The following GLIS1 variants were observed in gnomAD, a reference collection of about 807,000 sequenced individuals.
GLIS1 encodes zinc finger protein GLIS1.
GLIS1 carries 24 observed loss-of-function variants against 63.8 expected under a neutral mutation model. The ratio of observed to expected loss-of-function variants is 0.38; its 90% CI spans 0.27 to 0.53. The LOEUF is 0.53. GLIS1 is among the 20% of genes least tolerant of loss of function. The probability of loss-of-function intolerance (pLI) is 0.85; values close to 1 mark genes in which losing one functional copy is unlikely to be tolerated. For synonymous variants in GLIS1, 450 were observed against 482.5 expected (o/e 0.93, Z 0.88); for missense variants, 1,036 against 1,074.1 (o/e 0.96, Z 0.50).
At chr1:53,692,882 G>A (rs1013249559) in intron 2 of GLIS1, among the ~76,000 whole-genome samples, 5 of 152,202 alleles carry the variant, frequency 3.3e-5, no homozygotes, top group Non-Finnish European at 5.9e-5. Context: ...CAAAGTCTTT[G>A]AGAAACCCAC....
At chr1:53,700,179 C>T (rs1024587785) in intron 2 of GLIS1, among the ~76,000 whole-genome samples, 24 of 152,284 alleles carry the variant, frequency 1.6e-4, no homozygotes, top group African/African-American at 5.1e-4. Context: ...GCAAGGCCCT[C>T]GGCCTGGAGG....
At chr1:53,725,387 A>G (rs1646795318) in intron 2 of GLIS1, among the ~76,000 whole-genome samples, 1 of 152,116 alleles carries the variant, frequency 6.6e-6, no homozygotes, top group Admixed American at 6.5e-5. Context: ...ACTGATTCTC[A>G]TGCTACCCTG....
In GLIS1 at chr1:53,520,681, G is replaced by A; in HGVS notation, c.1679C>T (p.Ala560Val). Residue 560 changes from alanine (A) to valine (V), a missense_variant, in exon 7 of 11, where the codon GCC becomes GTC. Coordinates refer to ENST00000628545, the MANE Select transcript of GLIS1 (RefSeq NM_001367484.1). ...QQLHTSTQLA[A>V]SDGKGGCGLG... Reference sequence around the variant, plus strand: ...GCCACAGCCACCCTTGCCGTCGCTGGCAGCCAGCTGTGTGGACGTGTGGAG... The same window carrying A: ...GCCACAGCCACCCTTGCCGTCGCTGACAGCCAGCTGTGTGGACGTGTGGAG... 6.2e-7 allele frequency: 1 copy of A among 1,609,848 alleles called. No individual in the cohort carries two copies. The highest frequency in any genetic ancestry group is 8.5e-7 in the Non-Finnish European group (1 of 1,178,650).
intron 2 of GLIS1, among the ~76,000 whole-genome samples, chr1:53,652,086 C>T (rs961088824): frequency 3.9e-5 from 6 of 152,096 alleles, no homozygotes; most frequent in African/African-American, 1.4e-4. Context: ...ATTCAGAGTC[C>T]GAAAGACCAG....
intron 2 of GLIS1, among the ~76,000 whole-genome samples, chr1:53,705,674 G>A (rs748865156): frequency 1.3e-4 from 20 of 152,320 alleles, no homozygotes; most frequent in Admixed American, 2.0e-4. Flanking sequence ...TGGGTCAGCA[G>A]CTGCCAACCC....
At chr1:53,664,275 G>A (rs1646063976) in intron 2 of GLIS1, among the ~76,000 whole-genome samples, 1 of 152,090 alleles carries the variant, frequency 6.6e-6, no homozygotes, top group Non-Finnish European at 1.5e-5. Flanking sequence ...AGAGCATCCT[G>A]CCTCCCACAC....
At chr1:53,566,699 C>A (rs768805946) in intron 4 of GLIS1, among the ~76,000 whole-genome samples, 1 of 152,076 alleles carries the variant, frequency 6.6e-6, no homozygotes, top group Non-Finnish European at 1.5e-5. Context: ...TGAGTTCTCA[C>A]AAGATCTGAT....
intron 2 of GLIS1, among the ~76,000 whole-genome samples, chr1:53,602,839 C>T (rs1185678295): frequency 6.6e-6 from 1 of 152,178 alleles, no homozygotes; most frequent in Non-Finnish European, 1.5e-5. Context: ...AATAAGTGTC[C>T]CCACCTTTGA....
At chr1:53,674,534 G>A (rs1378034708) in intron 2 of GLIS1, among the ~76,000 whole-genome samples, 1 of 152,214 alleles carries the variant, frequency 6.6e-6, no homozygotes, top group Non-Finnish European at 1.5e-5. Context: ...AATGTGCTCA[G>A]AGGAGTTGCA....
intron 2 of GLIS1, among the ~76,000 whole-genome samples, chr1:53,675,547 C>T (rs1173140534): frequency 6.6e-6 from 1 of 152,186 alleles, no homozygotes; most frequent in Non-Finnish European, 1.5e-5. Context: ...TCATCTCTCT[C>T]CCACACCTGT....
intron 2 of GLIS1, among the ~76,000 whole-genome samples, chr1:53,673,182 G>A (rs1646173786): frequency 1.3e-5 from 2 of 152,172 alleles, no homozygotes; most frequent in African/African-American, 2.4e-5. Context: ...TAAGTGTTAT[G>A]TCTTTAACCT....
At chr1:53,633,103 GGTGT>G (rs946938286) in intron 2 of GLIS1, among the ~76,000 whole-genome samples, 1 of 131,500 alleles carries the variant, frequency 7.6e-6, no homozygotes, top group Non-Finnish European at 1.6e-5. Flanking sequence ...GTGACTGAGG[GGTGT>G]GTGAGTGTGA....
At chr1:53,692,070 T>C (rs1185968032) in intron 2 of GLIS1, among the ~76,000 whole-genome samples, 1 of 152,206 alleles carries the variant, frequency 6.6e-6, no homozygotes, top group African/African-American at 2.4e-5. Flanking sequence ...CCTATCTCTA[T>C]TAAATACCTG....
chr1:53,616,669 A>G (rs1312813415), intron 2 of GLIS1, among the ~76,000 whole-genome samples: 1 of 152,068 alleles, frequency 6.6e-6, no homozygotes, highest in African/African-American at 2.4e-5. Flanking sequence ...TTGGGTCTCC[A>G]TGAGAAGGAC....
intron 7 of GLIS1, among the ~76,000 whole-genome samples, chr1:53,517,971 G>T (rs1159151561): frequency 6.6e-6 from 1 of 152,238 alleles, no homozygotes; most frequent in East Asian, 1.9e-4. Context: ...GGGACGCCAC[G>T]GGGCCTGATG....
chr1:53,507,434 G>T (rs1644246348), intron 10 of GLIS1, among the ~76,000 whole-genome samples: 1 of 152,154 alleles, frequency 6.6e-6, no homozygotes, highest in Non-Finnish European at 1.5e-5. Context: ...CACCGGACAT[G>T]CTGTCTCCAG....
At chr1:53,525,053 G>A (rs1195402488) in intron 5 of GLIS1, among the ~76,000 whole-genome samples, 166 bp from the exon 6 acceptor site, 1 of 152,210 alleles carries the variant, frequency 6.6e-6, no homozygotes, top group Non-Finnish European at 1.5e-5. Flanking sequence ...GCCTGGCCTG[G>A]GAGCGGAGCA....
At chr1:53,515,856 C>A (rs939207886) in intron 7 of GLIS1, among the ~76,000 whole-genome samples, 1 of 151,466 alleles carries the variant, frequency 6.6e-6, no homozygotes, top group Non-Finnish European at 1.5e-5. Context: ...TGCACCTGAC[C>A]CCTGCATTCC....
intron 2 of GLIS1, among the ~76,000 whole-genome samples, chr1:53,697,327 TG>T (rs2100480721): frequency 6.6e-6 from 1 of 152,370 alleles, no homozygotes; most frequent in Non-Finnish European, 1.5e-5. Context: ...CAAGGCCCTC[TG>T]AGGTTCTCAC....
Sources: allele counts gnomAD v4.1 joint callset (sites outside exome capture counted in the v4.1 genomes callset), GRCh38; gene constraint gnomAD v4.1.1; transcripts MANE v1.5; gene names NCBI Gene and HGNC (gene_info 2026-07-23, HGNC 2026-07-21).